The following EPHA5 variants were observed in gnomAD, a reference collection of about 807,000 sequenced individuals.
EPHA5 encodes ephrin type-A receptor 5.
EPHA5 carries 60 observed loss-of-function variants against 105.0 expected under a neutral mutation model. The ratio of observed to expected loss-of-function variants is 0.57; its 90% confidence interval spans 0.46 to 0.71. EPHA5 has a LOEUF of 0.71. Ranked by LOEUF, EPHA5 falls within the 30% of genes least tolerant of loss-of-function variation. The probability of loss-of-function intolerance (pLI) is 0.00; values close to 1 mark genes in which losing one functional copy is unlikely to be tolerated. For synonymous variants in EPHA5, 513 were observed against 449.1 expected, an observed-to-expected ratio of 1.14 and a Z score of -1.80; for missense variants, 1,218 against 1,274.7, an observed-to-expected ratio of 0.96 and a Z score of 0.68.
intron 2 of EPHA5, among the ~76,000 whole-genome samples, chr4:65,638,306 T>A (rs1747336062): frequency 6.6e-6 from 1 of 152,082 alleles, no homozygotes; most frequent in African/African-American, 2.4e-5. Flanking sequence ...AAAATCTGAG[T>A]AAGATTGATT....
In EPHA5 at chr4:65,595,834, C is replaced by A. The variant is rs112311170; in HGVS notation, c.910+5807G>T. Among the ~76,000 whole-genome samples the A allele has an allele frequency of 7.9e-3, 1,197 of 152,226 alleles. 23 individuals carry two copies. The highest frequency in any genetic ancestry group is 0.027 in the African/African-American group (1,133 of 41,534). Reference sequence around the variant, plus strand: ...TGACCTCGTGATCCACCTGCCTTGGCCTCCCAAAGTGCTGGGATTACAGGC... The same window carrying A: ...TGACCTCGTGATCCACCTGCCTTGGACTCCCAAAGTGCTGGGATTACAGGC... On this transcript the variant is annotated intron_variant, in intron 3 of 16. Transcript: ENST00000613740.
chr4:65,622,783 T>A (rs1215163928), intron 2 of EPHA5, among the ~76,000 whole-genome samples: 1 of 151,914 alleles, frequency 6.6e-6, no homozygotes, highest in Non-Finnish European at 1.5e-5. Context: ...GGGCTTTACC[T>A]GTGGAAAAAA....
Position 65,670,281 on chromosome 4 carries a change from C to A in EPHA5, c.-539G>T. 4.3e-6 allele frequency: 1 copy of A among 233,760 alleles called. No individual in the cohort carries two copies. The highest frequency in any genetic ancestry group is 6.0e-5 in the East Asian group (1 of 16,566). 14.5% of individuals were successfully genotyped at this position (233,760 alleles called of 1,614,324 possible). On this transcript the variant is annotated 5_prime_UTR_variant, in exon 1 of 17. Transcript: ENST00000613740. ...GAGAGCAGCGAGCAAAAGCAAAGAT[C>A]CAGAGTTCAAAGAGACTGGCAGAAG...
At chr4:65,583,180 T>C (rs1490938689) in intron 3 of EPHA5, among the ~76,000 whole-genome samples, 1 of 151,682 alleles carries the variant, frequency 6.6e-6, no homozygotes, top group Non-Finnish European at 1.5e-5. Context: ...TCGGAGAGTT[T>C]ATATTCTAAG....
At chr4:65,361,301 GA>G (rs1717290975) in intron 11 of EPHA5, among the ~76,000 whole-genome samples, 1 of 151,700 alleles carries the variant, frequency 6.6e-6, no homozygotes, top group African/African-American at 2.4e-5. Flanking sequence ...GTAGAGAGAA[GA>G]GAGGACATTT....
At chr4:65,455,672 A>G (rs1727509113) in intron 5 of EPHA5, among the ~76,000 whole-genome samples, 1 of 152,192 alleles carries the variant, frequency 6.6e-6, no homozygotes, top group African/African-American at 2.4e-5. Flanking sequence ...TTATTTCAGT[A>G]ACATTACTAT....
chr4:65,582,057 C>T (rs1375003438), intron 3 of EPHA5, among the ~76,000 whole-genome samples: 2 of 151,528 alleles, frequency 1.3e-5, no homozygotes, highest in Non-Finnish European at 3.0e-5. Context: ...AGAAATGGTC[C>T]TCCTCCTCAA....
intron 7 of EPHA5, among the ~76,000 whole-genome samples, chr4:65,406,327 C>A (rs1722351741): frequency 6.6e-6 from 1 of 152,106 alleles, no homozygotes; most frequent in African/African-American, 2.4e-5. Flanking sequence ...ATGATATTTG[C>A]CACATGCAAT....
At chr4:65,406,142 T>C (rs1201674579) in intron 7 of EPHA5, among the ~76,000 whole-genome samples, 1 of 152,198 alleles carries the variant, frequency 6.6e-6, no homozygotes, top group Non-Finnish European at 1.5e-5. Flanking sequence ...GAGAGGGTTT[T>C]GCTGCCTTAT....
At chr4:65,638,328 A>G (rs1396728319) in intron 2 of EPHA5, among the ~76,000 whole-genome samples, 1 of 152,206 alleles carries the variant, frequency 6.6e-6, no homozygotes, top group Admixed American at 6.5e-5. Context: ...ACTTTAAATC[A>G]GGAATTCTAT....
Position 65,365,944 on chromosome 4 carries a change from C to T in EPHA5, c.1975G>A (p.Val659Ile). The T allele has an allele frequency of 9.3e-6, 15 of 1,605,920 alleles. No homozygotes were observed. Among genetic ancestry groups the T allele is most frequent in the Non-Finnish European group, 1.3e-5 (15 of 1,174,346 alleles). ...CACATTGTCGTACCTGCTCCAATAA[C>T]TCTCTCAATGGTGATACATGATGCT... is the stretch of plus-strand genomic sequence containing the variant. ...IEASCITIER[V>I]IGAGEFGEVC... Residue 659 changes from valine to isoleucine, a missense_variant, in exon 10 of 17, where the codon GTT (valine) becomes ATT (isoleucine). Transcript: ENST00000613740.
chr4:65,411,726 C>T (rs1452676092), intron 7 of EPHA5, among the ~76,000 whole-genome samples: 1 of 152,028 alleles, frequency 6.6e-6, no homozygotes. Flanking sequence ...ATGTGGATTT[C>T]AGAAAATACT....
At chr4:65,356,488 A>G (rs550113517) in intron 11 of EPHA5, among the ~76,000 whole-genome samples, 2 of 151,564 alleles carry the variant, frequency 1.3e-5, no homozygotes, top group Admixed American at 6.6e-5. Context: ...ATATTTGGGG[A>G]AAAAAAGGGA....
intron 7 of EPHA5, among the ~76,000 whole-genome samples, chr4:65,405,360 T>C (rs1722262523): frequency 6.6e-6 from 1 of 152,230 alleles, no homozygotes; most frequent in Non-Finnish European, 1.5e-5. Flanking sequence ...TCTTGTTTAA[T>C]GACATGATCA....
chr4:65,340,370 G>A (rs1186849769), intron 14 of EPHA5, among the ~76,000 whole-genome samples: 1 of 152,142 alleles, frequency 6.6e-6, no homozygotes, highest in East Asian at 1.9e-4. Context: ...TGAACTAACA[G>A]TTATGAATTA....
intron 8 of EPHA5, among the ~76,000 whole-genome samples, chr4:65,385,123 C>T (rs1005785161): frequency 6.6e-6 from 1 of 151,472 alleles, no homozygotes; most frequent in Non-Finnish European, 1.5e-5. Context: ...TTCGTCAGCT[C>T]AAATAAATAA....
Position 65,322,874 on chromosome 4 carries a change from G to C in EPHA5, c.*1240C>G, listed in dbSNP as rs904295934. 4.4e-6 allele frequency: 1 copy of C among 228,786 alleles called. No individual in the cohort carries two copies. Among genetic ancestry groups the C allele is most frequent in the East Asian group, 6.2e-5 (1 of 16,216 alleles). 14.2% of individuals were successfully genotyped at this position (228,786 alleles called of 1,614,324 possible). The stretch of plus-strand genomic sequence containing the variant: ...TATATATATTTGTCATAATTCCATT[G>C]CTGCCTTAGAGTCAAAATTTCTAGA... On this transcript the variant is annotated 3_prime_UTR_variant, in exon 17 of 17. Transcript: ENST00000613740.
At chr4:65,516,227 A>G (rs1440132882) in intron 3 of EPHA5, among the ~76,000 whole-genome samples, 1 of 152,208 alleles carries the variant, frequency 6.6e-6, no homozygotes, top group Non-Finnish European at 1.5e-5. Context: ...AGCCTTACCA[A>G]TAACATAAAT....
At chr4:65,616,206 C>T (rs1745222688) in intron 2 of EPHA5, among the ~76,000 whole-genome samples, 1 of 151,740 alleles carries the variant, frequency 6.6e-6, no homozygotes, top group Admixed American at 6.6e-5. Context: ...CTTTATGACT[C>T]AATTTTTATA....
Sources: gnomAD v4.1 joint callset for allele counts (sites outside exome capture counted in the v4.1 genomes callset) on GRCh38, gnomAD v4.1.1 for gene constraint, MANE v1.5 for transcripts, NCBI Gene and HGNC (gene_info 2026-07-23, HGNC 2026-07-21) for gene names.